Variants in FAT4 observed in about 807,000 individuals in gnomAD.
FAT4 encodes the protein FAT atypical cadherin 4.
In FAT4, 84 loss-of-function variants were observed where a neutral mutation model predicts 303.9. The observed-to-expected ratio is 0.28, with a 90% CI of 0.23 to 0.33. FAT4 has a LOEUF of 0.33. FAT4 is among the 10% of genes least tolerant of loss of function. The probability of loss-of-function intolerance (pLI) is 1.00; values close to 1 mark genes in which losing one functional copy is unlikely to be tolerated. For synonymous variants in FAT4, 2,307 were observed against 2,298.8 expected (o/e 1.00, Z -0.10); for missense variants, 6,005 against 6,146.8 (o/e 0.98, Z 0.77).
At chr4:125,414,660 T>C (rs920508380) in intron 5 of FAT4, among the ~76,000 whole-genome samples, 1 of 152,104 alleles carries the variant, frequency 6.6e-6, no homozygotes, top group Non-Finnish European at 1.5e-5. Context: ...TAGAAAAATA[T>C]CTGCTCTCTG....
chr4:125,356,092 T>C (rs1438882101), intron 2 of FAT4, among the ~76,000 whole-genome samples: 4 of 151,994 alleles, frequency 2.6e-5, no homozygotes, highest in Non-Finnish European at 4.4e-5. Context: ...TCACTTTGAA[T>C]GATTTCAAAG....
At chr4:125,339,260 T>G (rs1364864875) in intron 2 of FAT4, among the ~76,000 whole-genome samples, 2 of 151,056 alleles carry the variant, frequency 1.3e-5, no homozygotes, top group Non-Finnish European at 2.9e-5. Context: ...GCCTCCCGGG[T>G]TCAAGCGATT....
chr4:125,355,869 A>G (rs1732404058), intron 2 of FAT4, among the ~76,000 whole-genome samples: 1 of 151,938 alleles, frequency 6.6e-6, no homozygotes, highest in African/African-American at 2.4e-5. Flanking sequence ...GCCAGAAGCC[A>G]TATTGTCTCT....
intron 2 of FAT4, among the ~76,000 whole-genome samples, chr4:125,359,007 T>C (rs536413534): frequency 6.6e-6 from 1 of 152,312 alleles, no homozygotes; most frequent in African/African-American, 2.4e-5. Flanking sequence ...TAATTGTGCA[T>C]GAGTAATCAT....
chr4:125,364,435 C>T (rs539081070), intron 2 of FAT4, among the ~76,000 whole-genome samples: 8 of 151,920 alleles, frequency 5.3e-5, no homozygotes, highest in East Asian at 1.9e-4. Flanking sequence ...TTATTAATAA[C>T]GTATTTTAAT....
intron 2 of FAT4, among the ~76,000 whole-genome samples, chr4:125,355,014 A>G (rs1390665095): frequency 6.6e-6 from 1 of 151,806 alleles, no homozygotes. Flanking sequence ...AAATTTAGAC[A>G]TGAATATAGA....
rs111226204 is a variant in FAT4, at chr4:125,333,918, T to A, written c.5175+12332T>A. 9.0e-3 allele frequency among the ~76,000 whole-genome samples: 1,363 copies of A among 152,174 alleles called. 22 individuals are homozygous for A. Among genetic ancestry groups the A allele is most frequent in the African/African-American group, 0.031 (1,300 of 41,522 alleles). On this transcript the variant is annotated intron_variant, in intron 2 of 17. Transcript: ENST00000394329. ...CACTAATATCCTAAGGCTAGGAAGG[T>A]GAGGAATCAATACCAAGTAAAGGTC...
chr4:125,485,807 C>A (rs756929546), intron 16 of FAT4, among the ~76,000 whole-genome samples: 3 of 152,232 alleles, frequency 2.0e-5, no homozygotes, highest in African/African-American at 4.8e-5. Flanking sequence ...CCTGTATCCC[C>A]GCAATGAGTA....
chr4:125,417,402 G>T (rs901121019), intron 7 of FAT4, among the ~76,000 whole-genome samples: 2 of 152,102 alleles, frequency 1.3e-5, no homozygotes, highest in African/African-American at 4.8e-5. Flanking sequence ...ACAAAGTCCT[G>T]GTTCCAGGGA....
chr4:125,487,751 G>A (rs1369011993), intron 17 of FAT4, 145 bp downstream of exon 17: 1 of 748,414 alleles, frequency 1.3e-6, no homozygotes, highest in African/African-American at 1.8e-5. Context: ...GTTTAAAAAA[G>A]TAGTTTGATG....
At position 125,468,657 on chromosome 4, in the gene FAT4, T is replaced by C. The variant is rs764173429; in HGVS notation, c.12051T>C (p.Tyr4017=). 5.0e-6 allele frequency: 8 copies of C among 1,613,992 alleles called. No individual in the cohort carries two copies. Among genetic ancestry groups the C allele is most frequent in the Non-Finnish European group, 5.9e-6 (7 of 1,180,030 alleles). Residue 4017 remains tyrosine (Y), a synonymous_variant, in exon 12 of 18, where the codon TAT becomes TAC. Transcript: ENST00000394329. ...GTCATGCCTTATTGCTTTACAACTA[T>C]GACAACCAGACAGGCGACCGGGCTG... ...IKSHALLLYN[Y]DNQTGDRAEF...
chr4:125,405,668 T>C (rs996120149), intron 3 of FAT4, among the ~76,000 whole-genome samples: 1 of 151,734 alleles, frequency 6.6e-6, no homozygotes, highest in Non-Finnish European at 1.5e-5. Context: ...CTGGCTAATG[T>C]TTTGAATTTT....
Position 125,416,590 on chromosome 4 carries a change from G to A in FAT4, c.6986G>A (p.Arg2329His), listed in dbSNP as rs754622270. ...TQSLDRETKE[R>H]FVLMITATDS... ...AGTCTGGATCGGGAAACAAAAGAGCGCTTTGTCTTAATGATTACAGCTACA... is the reference window on the plus strand; with the variant it reads ...AGTCTGGATCGGGAAACAAAAGAGCACTTTGTCTTAATGATTACAGCTACA... The change falls in exon 7 of 18, where the codon CGC becomes CAC. Residue 2329 changes from arginine (R) to histidine (H), a missense_variant. Transcript: ENST00000394329. The A allele has an allele frequency of 3.2e-5, 51 of 1,613,678 alleles. No individual in the cohort carries two copies. In the East Asian group the frequency reaches 9.4e-4, roughly 30 times the overall value.
intron 2 of FAT4, among the ~76,000 whole-genome samples, chr4:125,342,016 G>T (rs891392411): frequency 2.6e-5 from 4 of 151,780 alleles, no homozygotes; most frequent in Non-Finnish European, 5.9e-5. Context: ...GTGAAGAAAG[G>T]TGACAGGAAA....
Position 125,440,581 on chromosome 4 carries a change from TTG to T in FAT4, c.7200-5683_7200-5682del, listed in dbSNP as rs768799104. 2.1e-3 allele frequency among the ~76,000 whole-genome samples: 247 copies of T among 117,678 alleles called. 2 individuals carry two copies. The highest frequency in any genetic ancestry group is 5.1e-3 in the Middle Eastern group (1 of 198). 77.2% of individuals were successfully genotyped at this position (117,678 alleles called of 152,430 possible). A position where few individuals can be genotyped will look rare whatever the true frequency, so the allele number is the denominator to read the frequency against. ...TCTCACTGCATTATTTTCTCAGTAC[TTG>T]TGTGTGTGTGTGTGTGTGTGTGTGT... On this transcript the variant is annotated intron_variant, in intron 8 of 17. Transcript: ENST00000394329.
At position 125,490,478 on chromosome 4, in the gene FAT4, G is replaced by A; in HGVS notation, c.13662G>A (p.Glu4554=). The change falls in exon 18 of 18, where the codon GAG becomes GAA. Residue 4554 remains glutamate, a synonymous_variant. Transcript: ENST00000394329. ...KPKEKKKKGS[E]NVAFDDPDNI... is the part of the protein sequence containing the mutation. ...AGGAGAAGAAGAAAAAGGGAAGTGA[G>A]AACGTTGCTTTTGATGACCCTGACA... The A allele has an allele frequency of 1.2e-6, 2 of 1,614,174 alleles. No homozygotes were observed. The highest frequency in any genetic ancestry group is 1.7e-6 in the Non-Finnish European group (2 of 1,180,040).
chr4:125,325,650 G>A (rs1266497597), intron 2 of FAT4, among the ~76,000 whole-genome samples: 3 of 152,160 alleles, frequency 2.0e-5, no homozygotes, highest in Non-Finnish European at 4.4e-5. Context: ...ATATTGCTTT[G>A]TGTCACACAG....
chr4:125,347,440 C>A (rs933394407), intron 2 of FAT4, among the ~76,000 whole-genome samples: 18 of 151,150 alleles, frequency 1.2e-4, no homozygotes, highest in African/African-American at 4.1e-4. Context: ...CTAGAACTGC[C>A]CTTCTTTTTC....
intron 10 of FAT4, among the ~76,000 whole-genome samples, chr4:125,455,533 A>G (rs1726248726): frequency 6.6e-6 from 1 of 152,190 alleles, no homozygotes; most frequent in Non-Finnish European, 1.5e-5. Context: ...GATGGATATT[A>G]TGATTATTGT....
Sources: gnomAD v4.1 joint callset for allele counts (sites outside exome capture counted in the v4.1 genomes callset) on GRCh38, gnomAD v4.1.1 for gene constraint, MANE v1.5 for transcripts, NCBI Gene and HGNC (gene_info 2026-07-23, HGNC 2026-07-21) for gene names.